AGMO: variants seen among roughly 807,000 people sequenced by gnomAD.
AGMO encodes alkylglycerol monooxygenase.
A neutral mutation model predicts 60.2 loss-of-function variants in AGMO; 75 were observed. That is an observed-to-expected ratio of 1.25 (90% CI 1.03 to 1.51). AGMO has a LOEUF of 1.51. AGMO is among the 40% of genes most tolerant of loss of function. The pLI, the probability that AGMO is intolerant of heterozygous loss-of-function variation, is 0.00. For missense variants in AGMO, 763 were observed against 525.5 expected (o/e 1.45, Z -4.42); for synonymous variants, 261 against 177.1 (o/e 1.47, Z -3.76).
At chr7:15,465,739 C>T (rs1782267072) in intron 3 of AGMO, among the ~76,000 whole-genome samples, 1 of 151,734 alleles carries the variant, frequency 6.6e-6, no homozygotes, top group Non-Finnish European at 1.5e-5. Flanking sequence ...AGCACCACAC[C>T]TAAGTCTCAT....
intron 10 of AGMO, among the ~76,000 whole-genome samples, chr7:15,376,751 T>C (rs1352179561): frequency 5.3e-5 from 8 of 152,074 alleles, no homozygotes; most frequent in Non-Finnish European, 4.4e-5. Context: ...GTACTCATGA[T>C]ATCACCCCAG....
the AGMO span, among the ~76,000 whole-genome samples, chr7:15,138,385 T>G: frequency 6.6e-5 from 10 of 152,218 alleles, no homozygotes; most frequent in Admixed American, 1.3e-4. Context: ...GCATGTAATG[T>G]AATTAGATTC....
At chr7:15,393,563 T>C (rs1380982909) in intron 6 of AGMO, among the ~76,000 whole-genome samples, 1 of 152,238 alleles carries the variant, frequency 6.6e-6, no homozygotes, top group Non-Finnish European at 1.5e-5. Context: ...GTACACAATG[T>C]AAACATTTTT....
intron 2 of AGMO, among the ~76,000 whole-genome samples, chr7:15,547,450 G>A (rs1784812843): frequency 6.6e-6 from 1 of 152,070 alleles, no homozygotes; most frequent in African/African-American, 2.4e-5. Context: ...GCGCAGGTCA[G>A]TGGGTGCGCG....
chr7:15,460,245 T>C (rs1782111046), intron 3 of AGMO, among the ~76,000 whole-genome samples: 1 of 152,024 alleles, frequency 6.6e-6, no homozygotes, highest in Non-Finnish European at 1.5e-5. Flanking sequence ...TAGCTAGGAT[T>C]AAAGTCTAAT....
At chr7:15,421,855 G>C (rs1780933800) in intron 4 of AGMO, among the ~76,000 whole-genome samples, 1 of 152,094 alleles carries the variant, frequency 6.6e-6, no homozygotes, top group African/African-American at 2.4e-5. Context: ...TTAGCTTACA[G>C]GTGTGTCCAC....
rs141983032 is a variant in AGMO, at chr7:15,557,562, C to T, written c.257+2579G>A. Among the ~76,000 whole-genome samples, 129 of 151,436 alleles carry T rather than the reference C, an allele frequency of 8.5e-4. 1 individual carries two copies. The highest frequency in any genetic ancestry group is 3.0e-3 in the African/African-American group (123 of 41,284). ...ATTGAGAGGAATGGATCCACAGGCTCGCTTTTCCTTTTCTGTTTATATCTG... is the reference window on the plus strand; with the variant it reads ...ATTGAGAGGAATGGATCCACAGGCTTGCTTTTCCTTTTCTGTTTATATCTG... On this transcript the variant is annotated intron_variant, in intron 2 of 12. Coordinates refer to ENST00000342526, the MANE Select transcript of AGMO (RefSeq NM_001004320.2).
At chr7:15,385,325 C>A (rs897058191) in intron 10 of AGMO, 121 bp downstream of exon 10, 17 of 638,306 alleles carry the variant, frequency 2.7e-5, no homozygotes, top group African/African-American at 3.8e-5. Flanking sequence ...TGAGACGTTG[C>A]CAAAATTACA....
chr7:15,390,798 A>T, intron 7 of AGMO, 42 bp downstream of exon 7: 1 of 1,560,694 alleles, frequency 6.4e-7, no homozygotes, highest in Non-Finnish European at 8.8e-7. Flanking sequence ...TGTAAAGTAA[A>T]GGAGCTGATT....
the AGMO span, among the ~76,000 whole-genome samples, chr7:15,177,817 C>G: frequency 6.6e-6 from 1 of 152,050 alleles, no homozygotes; most frequent in East Asian, 1.9e-4. Flanking sequence ...ATTACATTGT[C>G]TACTATTTCT....
intron 12 of AGMO, among the ~76,000 whole-genome samples, chr7:15,324,496 G>C (rs1350113681): frequency 6.6e-6 from 1 of 152,044 alleles, no homozygotes; most frequent in African/African-American, 2.4e-5. Context: ...GTGCCTTCTT[G>C]ATTTCTTTTT....
the AGMO span, among the ~76,000 whole-genome samples, chr7:15,130,793 T>C: frequency 6.6e-6 from 1 of 152,162 alleles, no homozygotes; most frequent in Non-Finnish European, 1.5e-5. Flanking sequence ...CTCAGTGATA[T>C]GTCTGGCATT....
chr7:15,371,947 T>C (rs1340288193), intron 10 of AGMO, among the ~76,000 whole-genome samples: 2 of 152,090 alleles, frequency 1.3e-5, no homozygotes, highest in Non-Finnish European at 2.9e-5. Flanking sequence ...AATATTTAAA[T>C]ATTAAGTACC....
intron 5 of AGMO, among the ~76,000 whole-genome samples, chr7:15,397,110 G>C (rs1366556198): frequency 6.6e-6 from 1 of 152,210 alleles, no homozygotes; most frequent in Admixed American, 6.5e-5. Context: ...GAAACTTTGC[G>C]GTACCTATCC....
At chr7:15,177,722 C>A in the AGMO span, among the ~76,000 whole-genome samples, 17 of 151,988 alleles carry the variant, frequency 1.1e-4, no homozygotes, top group Admixed American at 1.1e-3. Context: ...CTTTTTTAAT[C>A]CCCTTCCACT....
the AGMO span, among the ~76,000 whole-genome samples, chr7:15,189,402 A>C: frequency 2.6e-4 from 40 of 152,132 alleles, no homozygotes; most frequent in African/African-American, 9.4e-4. Flanking sequence ...TCTTCCATTA[A>C]AGAGCTGGAA....
chr7:15,205,826 T>C (rs1010635901), intron 12 of AGMO, among the ~76,000 whole-genome samples: 1 of 152,128 alleles, frequency 6.6e-6, no homozygotes, highest in East Asian at 1.9e-4. Context: ...AACAAATGTA[T>C]ACCCTGGCCC....
intron 3 of AGMO, among the ~76,000 whole-genome samples, chr7:15,464,802 T>C (rs1782235523): frequency 6.6e-6 from 1 of 152,164 alleles, no homozygotes; most frequent in Admixed American, 6.5e-5. Context: ...GAATAAATAC[T>C]GTTAGGGTAA....
chr7:15,503,810 G>C (rs116223050), intron 3 of AGMO, among the ~76,000 whole-genome samples: 1,836 of 152,078 alleles, frequency 0.012, 40 homozygotes, highest in African/African-American at 0.043. Flanking sequence ...TTTACTCATA[G>C]TCTCTGATAA....
Sources: allele counts gnomAD v4.1 joint callset (sites outside exome capture counted in the v4.1 genomes callset), GRCh38; gene constraint gnomAD v4.1.1; transcripts MANE v1.5; gene names NCBI Gene and HGNC (gene_info 2026-07-23, HGNC 2026-07-21).